Variants in COL23A1 observed in about 807,000 individuals in gnomAD.
COL23A1 encodes the protein collagen alpha-1(XXIII) chain.
A neutral mutation model predicts 99.3 loss-of-function variants in COL23A1; 97 were observed. The observed-to-expected ratio is 0.98, with a 90% CI of 0.83 to 1.16. The LOEUF (loss-of-function observed/expected upper bound fraction) is 1.16. Ranked by LOEUF, COL23A1 falls within the 50% of genes most tolerant of loss-of-function variation. The pLI is 0.00. For synonymous variants in COL23A1, 320 were observed against 308.2 expected (o/e 1.04, Z -0.40); for missense variants, 762 against 757.4 (o/e 1.01, Z -0.07).
At chr5:178,483,068 T>A (rs896670543) in intron 2 of COL23A1, among the ~76,000 whole-genome samples, 2 of 151,608 alleles carry the variant, frequency 1.3e-5, no homozygotes, top group Non-Finnish European at 2.9e-5. Context: ...TAAGACTCTG[T>A]CTCGAAAAGA....
intron 2 of COL23A1, among the ~76,000 whole-genome samples, chr5:178,355,968 C>T (rs567815747): frequency 6.6e-6 from 1 of 152,174 alleles, no homozygotes; most frequent in Non-Finnish European, 1.5e-5. Flanking sequence ...AAAATTAATA[C>T]AGTAAAATAA....
rs1757277786 is a variant in COL23A1 at position 178,288,482 on chromosome 5, G to C, written c.415-132C>G. 12 of 801,732 alleles carry C rather than the reference G, an allele frequency of 1.5e-5. No individual in the cohort carries two copies. The Admixed American group carries it at 2.1e-4, about 14-fold the overall frequency. 49.7% of individuals were successfully genotyped at this position (801,732 alleles called of 1,614,324 possible). ...GTTGGTGACTTCCTCTGCAGCGGGA[G>C]GACTCAAGGGCTCCAGGGGTCTTGG... On this transcript the variant is annotated intron_variant, in intron 4 of 28. Transcript: ENST00000390654.
intron 8 of COL23A1, 57 bp from the exon 9 acceptor site, chr5:178,263,381 A>T: frequency 8.9e-7 from 1 of 1,123,728 alleles, no homozygotes. Flanking sequence ...GCCTCCAGAG[A>T]GAGGCTCCCT....
chr5:178,337,363 C>T (rs1760396037), intron 2 of COL23A1, among the ~76,000 whole-genome samples: 1 of 152,234 alleles, frequency 6.6e-6, no homozygotes, highest in African/African-American at 2.4e-5. Context: ...CAGATTTCAC[C>T]CACCTTTCCA....
intron 2 of COL23A1, among the ~76,000 whole-genome samples, chr5:178,382,985 G>A (rs1308509233): frequency 6.6e-6 from 1 of 152,148 alleles, no homozygotes; most frequent in East Asian, 1.9e-4. Flanking sequence ...GGGGAGGTGA[G>A]AGACTCCACC....
At chr5:178,444,420 T>C (rs1303990129) in intron 2 of COL23A1, among the ~76,000 whole-genome samples, 1 of 152,182 alleles carries the variant, frequency 6.6e-6, no homozygotes, top group Non-Finnish European at 1.5e-5. Flanking sequence ...AGTTTTGTAT[T>C]AGAGTTTTCC....
chr5:178,282,341 T>G (rs907789173), intron 5 of COL23A1, among the ~76,000 whole-genome samples: 1 of 152,222 alleles, frequency 6.6e-6, no homozygotes, highest in Non-Finnish European at 1.5e-5. Flanking sequence ...CCTAACACTT[T>G]GATACCAGGG....
At chr5:178,301,270 T>C (rs1393364936) in intron 3 of COL23A1, among the ~76,000 whole-genome samples, 2 of 152,220 alleles carry the variant, frequency 1.3e-5, no homozygotes, top group Admixed American at 6.5e-5. Flanking sequence ...GAATTTTTAT[T>C]TGGTTCTTTA....
At chr5:178,464,528 T>C (rs1387810510) in intron 2 of COL23A1, among the ~76,000 whole-genome samples, 1 of 152,188 alleles carries the variant, frequency 6.6e-6, no homozygotes, top group African/African-American at 2.4e-5. Flanking sequence ...CTTCCTGGTG[T>C]AACACACATG....
chr5:178,559,514 T>C (rs1297691332), intron 2 of COL23A1, among the ~76,000 whole-genome samples: 1 of 141,798 alleles, frequency 7.1e-6, no homozygotes, highest in African/African-American at 2.8e-5. Context: ...CATCGAGAAG[T>C]CTGAGACACA....
At chr5:178,345,639 C>A (rs1450711566) in intron 2 of COL23A1, among the ~76,000 whole-genome samples, 3 of 151,832 alleles carry the variant, frequency 2.0e-5, no homozygotes, top group South Asian at 2.1e-4. Flanking sequence ...GCCTCAGCCT[C>A]CCGAGTAGCT....
chr5:178,558,769 C>T (rs1762406818), intron 2 of COL23A1, among the ~76,000 whole-genome samples: 1 of 151,924 alleles, frequency 6.6e-6, no homozygotes, highest in African/African-American at 2.4e-5. Flanking sequence ...GTGAATTTTT[C>T]CTCCCATGTA....
rs777219382 is a variant in COL23A1, at chr5:178,261,755, CAAGAG to C, written c.676-12_676-8del. Reference sequence around the variant, plus strand: ...CTGGGGGTCCCTTTGGGCCCTGGAACAAGAGAAGAGAAGGTGTTAAATGTCATACT... The same window carrying C: ...CTGGGGGTCCCTTTGGGCCCTGGAACAAGAGAAGGTGTTAAATGTCATACT... On this transcript the variant is annotated splice_polypyrimidine_tract_variant and splice_region_variant and intron_variant, in intron 10 of 28. Coordinates refer to ENST00000390654, the MANE Select transcript of COL23A1 (RefSeq NM_173465.4). The C allele has an allele frequency of 4.4e-6, 7 of 1,605,682 alleles. No individual in the cohort carries two copies. Among genetic ancestry groups the C allele is most frequent in the African/African-American group, 4.0e-5 (3 of 74,818 alleles).
intron 2 of COL23A1, among the ~76,000 whole-genome samples, chr5:178,486,555 G>T (rs1280360046): frequency 6.6e-6 from 1 of 152,068 alleles, no homozygotes; most frequent in Non-Finnish European, 1.5e-5. Context: ...AAAAAGAAAC[G>T]AATAATTGGC....
At chr5:178,269,655 CATCCATCCATCCACCCATTCATCCACT>C (rs1462767949) in intron 6 of COL23A1, among the ~76,000 whole-genome samples, 2 of 141,500 alleles carry the variant, frequency 1.4e-5, no homozygotes, top group Non-Finnish European at 3.1e-5. Flanking sequence ...CCAATCCATT[CATCCATCCATCCACCCATTCATCCACT>C]ATCCATCCAT....
chr5:178,426,220 C>A (rs2127807610), intron 2 of COL23A1, among the ~76,000 whole-genome samples: 1 of 152,152 alleles, frequency 6.6e-6, no homozygotes, highest in East Asian at 1.9e-4. Flanking sequence ...AGAGAAAAAC[C>A]CACCCTCAAG....
At chr5:178,517,873 C>CTTTTTTTTTTTTTTTTT (rs71577021) in intron 2 of COL23A1, among the ~76,000 whole-genome samples, 9 of 97,738 alleles carry the variant, frequency 9.2e-5, no homozygotes, top group African/African-American at 2.9e-4. Context: ...AACAGCGGTT[C>CTTTTTTTTTTTTTTTTT]TTTTTTTTTT....
intron 2 of COL23A1, among the ~76,000 whole-genome samples, chr5:178,482,869 T>A (rs1346951192): frequency 1.3e-5 from 2 of 151,698 alleles, no homozygotes; most frequent in African/African-American, 4.8e-5. Flanking sequence ...GCCACTGCAC[T>A]CCTGCCTGGG....
chr5:178,510,145 A>C (rs1759120683), intron 2 of COL23A1, among the ~76,000 whole-genome samples: 1 of 152,246 alleles, frequency 6.6e-6, no homozygotes, highest in Non-Finnish European at 1.5e-5. Context: ...ATTTTCTGTT[A>C]CCTTTTAAAA....
Sources: gnomAD v4.1 joint callset for allele counts (sites outside exome capture counted in the v4.1 genomes callset) on GRCh38, gnomAD v4.1.1 for gene constraint, MANE v1.5 for transcripts, NCBI Gene and HGNC (gene_info 2026-07-23, HGNC 2026-07-21) for gene names.